PDE10A: variants seen among roughly 807,000 people sequenced by gnomAD.
PDE10A encodes the protein phosphodiesterase 10A, also known as cAMP and cAMP-inhibited cGMP 3',5'-cyclic phosphodiesterase 10A.
PDE10A carries 39 observed loss-of-function variants against 97.7 expected under a neutral mutation model. The observed-to-expected ratio is 0.40, with a 90% CI of 0.31 to 0.52. The LOEUF (loss-of-function observed/expected upper bound fraction) is 0.52. PDE10A is among the 20% of genes least tolerant of loss of function. The pLI is 0.56. For missense variants in PDE10A, 731 were observed against 1,047.8 expected, an observed-to-expected ratio of 0.70 and a Z score of 4.17; for synonymous variants, 371 against 376.8, an observed-to-expected ratio of 0.98 and a Z score of 0.18.
In PDE10A at chr6:165,601,234, C is replaced by T. The variant is rs376158831; in HGVS notation, c.866-57666G>A. On this transcript the variant is annotated intron_variant, in intron 1 of 21. Transcript: ENST00000539869. Reference sequence around the variant, plus strand: ...TTCACCTCCTGCCATGATTCTGAGGCCTCCTCAGCCACGTGGAACTGAAAG... The same window carrying T: ...TTCACCTCCTGCCATGATTCTGAGGTCTCCTCAGCCACGTGGAACTGAAAG... Among the ~76,000 whole-genome samples the T allele has an allele frequency of 2.0e-4, 30 of 152,308 alleles. 1 individual carries two copies. Among genetic ancestry groups the T allele is most frequent in the African/African-American group, 6.7e-4 (28 of 41,574 alleles).
At chr6:165,786,301 T>C (rs1778491729) in intron 1 of PDE10A, among the ~76,000 whole-genome samples, 1 of 152,206 alleles carries the variant, frequency 6.6e-6, no homozygotes, top group Non-Finnish European at 1.5e-5. Flanking sequence ...GAGGGAGACC[T>C]GGCATAGCAC....
intron 1 of PDE10A, among the ~76,000 whole-genome samples, chr6:165,753,117 G>A (rs1343882370): frequency 6.6e-6 from 1 of 152,172 alleles, no homozygotes; most frequent in African/African-American, 2.4e-5. Context: ...AGCACGTGAG[G>A]GAAATGTTAA....
rs78632656 is a variant in PDE10A at position 165,414,813 on chromosome 6, G to A, written c.1890-1126C>T. Among the ~76,000 whole-genome samples, 1,221 of 152,256 alleles carry A rather than the reference G, an allele frequency of 8.0e-3. 13 individuals are homozygous for A. Among genetic ancestry groups the A allele is most frequent in the African/African-American group, 0.028 (1,144 of 41,552 alleles). ...CCACCAACAATGTATGAGGGTACTC[G>A]TTTCTCCACATCCTGGCCAATGTTT... On this transcript the variant is annotated intron_variant, in intron 12 of 21. Coordinates refer to ENST00000539869, the MANE Select transcript of PDE10A (RefSeq NM_001385079.1).
intron 3 of PDE10A, among the ~76,000 whole-genome samples, chr6:165,462,689 A>T (rs1394241521): frequency 6.6e-6 from 1 of 152,230 alleles, no homozygotes; most frequent in South Asian, 2.1e-4. Context: ...AAGCTGTCAC[A>T]GATGGCAGAA....
chr6:165,898,892 G>A (rs1008237305), intron 1 of PDE10A, among the ~76,000 whole-genome samples: 1 of 152,178 alleles, frequency 6.6e-6, no homozygotes, highest in Non-Finnish European at 1.5e-5. Context: ...ATTTCCAGAA[G>A]GTTCTTCCTC....
Position 165,363,289 on chromosome 6 carries a change from G to A in PDE10A, c.2783+15905C>T, listed in dbSNP as rs1211641214. Among the ~76,000 whole-genome samples the A allele has an allele frequency of 3.3e-5, 5 of 152,142 alleles. No homozygotes were observed. In the East Asian group the frequency reaches 9.6e-4, roughly 29 times the overall value. On this transcript the variant is annotated intron_variant, in intron 18 of 21. Transcript: ENST00000539869. ...CCCAGCACTTTGGGAGGCTGAGGCA[G>A]GTAAACCATGAGGTCAGGAGTTCAA... is the stretch of plus-strand genomic sequence containing the variant.
chr6:165,697,604 C>T (rs142186613), intron 1 of PDE10A, among the ~76,000 whole-genome samples: 3 of 152,198 alleles, frequency 2.0e-5, no homozygotes, highest in African/African-American at 7.2e-5. Flanking sequence ...ATGAAACAAG[C>T]CAGTTATAAA....
At chr6:165,810,214 C>T (rs1286806142) in intron 1 of PDE10A, among the ~76,000 whole-genome samples, 1 of 152,164 alleles carries the variant, frequency 6.6e-6, no homozygotes, top group Non-Finnish European at 1.5e-5. Flanking sequence ...GAGAGAGCAC[C>T]ACCCTTGGTC....
intron 1 of PDE10A, among the ~76,000 whole-genome samples, chr6:165,788,518 CAAA>C (rs56927613): frequency 0.2 from 15,079 of 74,358 alleles, 553 homozygotes; most frequent in South Asian, 0.27. Context: ...AACTCTGTCT[CAAA>C]AAAAAAAAAA....
At chr6:165,648,688 A>T (rs1435594822) in intron 1 of PDE10A, among the ~76,000 whole-genome samples, 1 of 152,236 alleles carries the variant, frequency 6.6e-6, no homozygotes, top group Non-Finnish European at 1.5e-5. Context: ...TTCAAAAATC[A>T]TACAGGAAAA....
upstream of PDE10A, among the ~76,000 whole-genome samples, chr6:165,665,414 A>AG (rs766999503): frequency 5.3e-5 from 8 of 152,148 alleles, no homozygotes; most frequent in Non-Finnish European, 1.2e-4. Flanking sequence ...TATCAGAAGG[A>AG]GGAGAGGGCT....
At chr6:165,480,844 G>C (rs1779565036) in intron 3 of PDE10A, among the ~76,000 whole-genome samples, 4 of 152,108 alleles carry the variant, frequency 2.6e-5, no homozygotes. Flanking sequence ...AGTCAAATAA[G>C]TATTGATCAA....
At chr6:165,744,050 T>C (rs1475900538) in intron 1 of PDE10A, among the ~76,000 whole-genome samples, 1 of 152,134 alleles carries the variant, frequency 6.6e-6, no homozygotes, top group Non-Finnish European at 1.5e-5. Context: ...CTTTGTAAAA[T>C]TGGGAGTTAC....
Position 165,642,269 on chromosome 6 carries a change from A to G in PDE10A, c.865+19678T>C, listed in dbSNP as rs1051856775. Among the ~76,000 whole-genome samples, 4 of 152,088 alleles carry G rather than the reference A, an allele frequency of 2.6e-5. 1 individual carries two copies. The highest frequency in any genetic ancestry group is 9.7e-5 in the African/African-American group (4 of 41,396). On this transcript the variant is annotated intron_variant, in intron 1 of 21. Transcript: ENST00000539869. ...GGGGAGATGTCCCTAGATGCCCCGG[A>G]TGAATGTGGCTTCCCGTGCATATGT...
At chr6:165,952,077 A>T (rs747577104) in intron 1 of PDE10A, among the ~76,000 whole-genome samples, 1 of 152,212 alleles carries the variant, frequency 6.6e-6, no homozygotes, top group Non-Finnish European at 1.5e-5. Flanking sequence ...TCCTCATGCG[A>T]AGTAACGAGG....
intron 1 of PDE10A, among the ~76,000 whole-genome samples, chr6:165,978,178 T>A (rs1784904906): frequency 6.6e-6 from 1 of 152,168 alleles, no homozygotes; most frequent in Non-Finnish European, 1.5e-5. Context: ...ACTGAGCTTT[T>A]CCCGTAAAAT....
Position 165,392,640 on chromosome 6 carries a change from A to G in PDE10A, c.2454+6T>C, listed in dbSNP as rs201246673. ...CGAGAAACAGAGGTAAAGAGTGCAC[A>G]CCCACCTCAAGGTCTGTGAAAAGCG... On this transcript the variant is annotated splice_donor_region_variant and intron_variant, in intron 16 of 21. Coordinates refer to ENST00000539869, the MANE Select transcript of PDE10A (RefSeq NM_001385079.1). 1.9e-6 allele frequency: 3 copies of G among 1,612,858 alleles called. No individual in the cohort carries two copies. The highest frequency in any genetic ancestry group is 1.7e-4 in the Middle Eastern group (1 of 6,056).
At chr6:165,393,717 T>C (rs1049224269) in intron 15 of PDE10A, among the ~76,000 whole-genome samples, 3 of 152,084 alleles carry the variant, frequency 2.0e-5, no homozygotes, top group Non-Finnish European at 4.4e-5. Flanking sequence ...AGATAGAAAA[T>C]ACACAGGCTT....
rs369942875 is a variant in PDE10A, at chr6:165,787,205, C to T, written c.-615+200324G>A. Among the ~76,000 whole-genome samples, 45 of 152,074 alleles carry T rather than the reference C, an allele frequency of 3.0e-4. 1 individual carries two copies. Among genetic ancestry groups the T allele is most frequent in the African/African-American group, 1.0e-3 (43 of 41,464 alleles). ...AAATGATCATTAAGTTACTGATAAA[C>T]AGCCATTAAAAAAACCCATATAAAA... On this transcript the variant is annotated intron_variant, in intron 1 of 19. Transcript: ENST00000366882.
Sources: allele counts gnomAD v4.1 joint callset (sites outside exome capture counted in the v4.1 genomes callset), GRCh38; gene constraint gnomAD v4.1.1; transcripts MANE v1.5; gene names NCBI Gene and HGNC (gene_info 2026-07-23, HGNC 2026-07-21).